The following APCDD1L variants were observed in gnomAD, a reference collection of about 807,000 sequenced individuals.
The protein encoded by APCDD1L is APC down-regulated 1 like, also known as protein APCDD1-like.
A neutral mutation model predicts 24.2 loss-of-function variants in APCDD1L; 21 were observed. The observed-to-expected ratio is 0.87, with a 90% CI of 0.61 to 1.25. The LOEUF (loss-of-function observed/expected upper bound fraction) is 1.25, where lower values mean the gene tolerates loss of function less well. Among genes scored for constraint, APCDD1L ranks in the 50% most tolerant of loss-of-function variants. APCDD1L has a pLI of 0.00. For missense variants in APCDD1L, 704 were observed against 711.7 expected (o/e 0.99, Z 0.12); for synonymous variants, 321 against 323.6 (o/e 0.99, Z 0.09).
intron 1 of APCDD1L, among the ~76,000 whole-genome samples, chr20:58,498,212 A>T (rs1000612368): frequency 1.3e-5 from 2 of 152,198 alleles, no homozygotes; most frequent in African/African-American, 4.8e-5. Flanking sequence ...TTCCAATTCA[A>T]TAGTGTACAA....
At position 58,468,869 on chromosome 20, in the gene APCDD1L, G is replaced by T. The variant is rs558414348; in HGVS notation, c.189-1211C>A. On this transcript the variant is annotated intron_variant, in intron 2 of 3. Coordinates refer to ENST00000371149, the MANE Select transcript of APCDD1L (RefSeq NM_153360.3). ...AGGCGTGATCCCAGCCCATTTTCTT[G>T]ATATTTTTTTGTACCAGGGCTGTTG... 4.4e-4 allele frequency among the ~76,000 whole-genome samples: 67 copies of T among 152,044 alleles called. 1 individual carries two copies. Among genetic ancestry groups the T allele is most frequent in the Non-Finnish European group, 7.6e-4 (52 of 67,988 alleles).
At chr20:58,465,444 GGTTT>G (rs1989689021) in intron 3 of APCDD1L, among the ~76,000 whole-genome samples, 1 of 152,120 alleles carries the variant, frequency 6.6e-6, no homozygotes, top group African/African-American at 2.4e-5. Context: ...TTGCCTCATT[GGTTT>G]AGTTCCTTGA....
intron 1 of APCDD1L, among the ~76,000 whole-genome samples, chr20:58,486,355 A>T (rs1347623495): frequency 2.0e-5 from 3 of 152,234 alleles, no homozygotes; most frequent in Non-Finnish European, 2.9e-5. Context: ...GGAGCAGATT[A>T]GACACTGTTG....
At chr20:58,479,090 A>G (rs1459671311) in intron 1 of APCDD1L, among the ~76,000 whole-genome samples, 3 of 152,220 alleles carry the variant, frequency 2.0e-5, no homozygotes, top group Non-Finnish European at 2.9e-5. Context: ...CCACAGTCAC[A>G]TAATGCAAGC....
chr20:58,502,071 G>A (rs1467611119), intron 1 of APCDD1L, among the ~76,000 whole-genome samples: 5 of 152,080 alleles, frequency 3.3e-5, no homozygotes, highest in Non-Finnish European at 7.4e-5. Flanking sequence ...CTCTCACAGT[G>A]CTTGTCACCA....
At chr20:58,498,997 G>C (rs1462744010) in intron 1 of APCDD1L, among the ~76,000 whole-genome samples, 1 of 152,194 alleles carries the variant, frequency 6.6e-6, no homozygotes, top group Non-Finnish European at 1.5e-5. Flanking sequence ...TTCCAATAAT[G>C]AGGACACAAT....
chr20:58,513,706 C>T (rs1027838660), intron 1 of APCDD1L: 3 of 425,276 alleles, frequency 7.1e-6, no homozygotes, highest in African/African-American at 6.2e-5. Flanking sequence ...AGTGATCCTC[C>T]TGCACGTGCT....
intron 1 of APCDD1L, among the ~76,000 whole-genome samples, chr20:58,488,803 T>C (rs996032484): frequency 2.6e-5 from 4 of 152,140 alleles, no homozygotes; most frequent in African/African-American, 9.6e-5. Context: ...AACCGTCCAA[T>C]TTAAGAAGTT....
At chr20:58,511,873 C>T (rs907365541) in intron 1 of APCDD1L, among the ~76,000 whole-genome samples, 11 of 150,592 alleles carry the variant, frequency 7.3e-5, no homozygotes, top group African/African-American at 2.2e-4. Context: ...AAGTATATAG[C>T]GAGAGATAAA....
At chr20:58,482,349 A>G (rs1990039622) in intron 1 of APCDD1L, among the ~76,000 whole-genome samples, 1 of 152,226 alleles carries the variant, frequency 6.6e-6, no homozygotes, top group Non-Finnish European at 1.5e-5. Context: ...TTTCAGGAGA[A>G]AGACCGGCTA....
In APCDD1L at chr20:58,459,365, T is replaced by G. The variant is rs1357142138; in HGVS notation, c.*1425A>C. The G allele has an allele frequency of 6.6e-6, 1 of 152,080 alleles. No homozygotes were observed. The highest frequency in any genetic ancestry group is 1.5e-5 in the Non-Finnish European group (1 of 68,004). 9.4% of individuals were successfully genotyped at this position (152,080 alleles called of 1,614,324 possible). A position where few individuals can be genotyped will look rare whatever the true frequency, so the allele number is the denominator to read the frequency against. On this transcript the variant is annotated 3_prime_UTR_variant, in exon 4 of 4. Coordinates refer to ENST00000371149, the MANE Select transcript of APCDD1L (RefSeq NM_153360.3). ...ATACTAACTTGGTGGGCTTTTTTTT[T>G]TTTTAAGAGGAAGGATGGGTAATAA...
At position 58,461,198 on chromosome 20, in the gene APCDD1L, G is replaced by T; in HGVS notation, c.1098C>A (p.Val366=). 5 of 1,613,502 alleles carry T rather than the reference G, an allele frequency of 3.1e-6. No homozygotes were observed. The highest frequency in any genetic ancestry group is 4.2e-6 in the Non-Finnish European group (5 of 1,179,830). The change falls in exon 4 of 4, where the codon GTC becomes GTA. Residue 366 remains valine (V), a synonymous_variant. Transcript: ENST00000371149. The surrounding 1 kb of genome is among the most constrained non-coding windows in gnomAD (Gnocchi z 6.0). ...CAGAGAAGTTGAGCATGGCCGTGGT[G>T]ACCTGGTCCATGGGGGTCACATGGG... ...TRAHVTPMDQ[V]TTAMLNFSEP... is the part of the protein sequence containing the mutation.
Position 58,494,537 on chromosome 20 carries a change from G to A in APCDD1L, c.49+20122C>T, listed in dbSNP as rs1990284522. 6.6e-6 allele frequency among the ~76,000 whole-genome samples: 1 copy of A among 151,840 alleles called. No individual in the cohort carries two copies. The highest frequency in any genetic ancestry group is 1.5e-5 in the Non-Finnish European group (1 of 67,970). ...TTTTTTTTGGTAGAGATGGGGTCTG[G>A]CTATGTTGCCCAATCTGGTCTCAAA... On this transcript the variant is annotated intron_variant, in intron 1 of 3. Transcript: ENST00000371149. This position sits in a 1 kb window ranked among gnomAD's most constrained non-coding sequence, Gnocchi z 4.8.
intron 1 of APCDD1L, chr20:58,514,094 T>A: frequency 1.9e-6 from 1 of 536,110 alleles, no homozygotes; most frequent in Non-Finnish European, 2.9e-6. Flanking sequence ...GAGAAGGCAT[T>A]GACTACTCTA....
rs3069429 is a variant in APCDD1L at position 58,485,143 on chromosome 20, T to TACACACACAC, written c.50-14406_50-14397dup. Among the ~76,000 whole-genome samples the TACACACACAC allele has an allele frequency of 5.2e-3, 772 of 149,710 alleles. 15 individuals carry two copies. Among genetic ancestry groups the TACACACACAC allele is most frequent in the African/African-American group, 0.018 (727 of 40,846 alleles). Reference sequence around the variant, plus strand: ...CTGTTAATGGTCATTTAGGTTGTGGTACACACACACACACACACACACACA... The same window carrying TACACACACAC: ...CTGTTAATGGTCATTTAGGTTGTGGTACACACACACACACACACACACACACACACACACA... On this transcript the variant is annotated intron_variant, in intron 1 of 3. Coordinates refer to ENST00000371149, the MANE Select transcript of APCDD1L (RefSeq NM_153360.3).
At chr20:58,490,977 T>C (rs1187740035) in intron 1 of APCDD1L, among the ~76,000 whole-genome samples, 2 of 152,224 alleles carry the variant, frequency 1.3e-5, no homozygotes, top group Non-Finnish European at 2.9e-5. Flanking sequence ...CTCATTAACA[T>C]TAGAAAAATC....
intron 1 of APCDD1L, among the ~76,000 whole-genome samples, chr20:58,507,925 C>G (rs1990551819): frequency 2.0e-5 from 3 of 152,190 alleles, no homozygotes; most frequent in Non-Finnish European, 4.4e-5. Flanking sequence ...TTATAGGAAT[C>G]CAAATCAAAA....
chr20:58,469,742 C>G (rs1989777260), intron 2 of APCDD1L, among the ~76,000 whole-genome samples: 1 of 152,210 alleles, frequency 6.6e-6, no homozygotes, highest in Admixed American at 6.5e-5. Flanking sequence ...AACGAAAGCG[C>G]TAGCAGATGT....
chr20:58,471,388 C>T (rs752355925), intron 1 of APCDD1L, among the ~76,000 whole-genome samples: 8 of 152,250 alleles, frequency 5.3e-5, no homozygotes, highest in Admixed American at 1.3e-4. Flanking sequence ...TGCAGAGGCC[C>T]GGGCCGAGGT....
Sources: gnomAD v4.1 joint callset for allele counts (sites outside exome capture counted in the v4.1 genomes callset) on GRCh38, gnomAD v4.1.1 for gene constraint, Gnocchi (gnomAD v3.1) non-coding constraint, MANE v1.5 for transcripts, NCBI Gene and HGNC (gene_info 2026-07-23, HGNC 2026-07-21) for gene names.